MALRD1: variants seen among roughly 807,000 people sequenced by gnomAD.
MALRD1 encodes MAM and LDL receptor class A domain containing 1.
MALRD1 carries 247 observed loss-of-function variants against 242.1 expected under a neutral mutation model. That is an observed-to-expected ratio of 1.02 (90% CI 0.92 to 1.13). The LOEUF (loss-of-function observed/expected upper bound fraction) is 1.13. MALRD1 is among the 50% of genes most tolerant of loss of function. The pLI, the probability that MALRD1 is intolerant of heterozygous loss-of-function variation, is 0.00. For synonymous variants in MALRD1, 995 were observed against 866.6 expected, an observed-to-expected ratio of 1.15 and a Z score of -2.60; for missense variants, 2,989 against 2,533.1, an observed-to-expected ratio of 1.18 and a Z score of -3.86.
intron 31 of MALRD1, among the ~76,000 whole-genome samples, chr10:19,514,619 A>G (rs953049739): frequency 2.6e-5 from 4 of 152,162 alleles, no homozygotes; most frequent in African/African-American, 7.2e-5. Flanking sequence ...GTGATAATTA[A>G]AATATTTAAA....
chr10:19,206,087 A>T (rs1031111563), intron 17 of MALRD1, among the ~76,000 whole-genome samples: 7 of 150,174 alleles, frequency 4.7e-5, no homozygotes, highest in Non-Finnish European at 1.0e-4. Flanking sequence ...TTTATAAATT[A>T]TGCAATTTAT....
At chr10:19,517,309 TG>T (rs1329228313) in intron 31 of MALRD1, among the ~76,000 whole-genome samples, 1 of 152,132 alleles carries the variant, frequency 6.6e-6, no homozygotes, top group Non-Finnish European at 1.5e-5. Context: ...ATTCATCAGA[TG>T]GCTGGTGAAA....
At chr10:19,410,893 T>C (rs1323551854) in intron 28 of MALRD1, among the ~76,000 whole-genome samples, 1 of 152,168 alleles carries the variant, frequency 6.6e-6, no homozygotes, top group Non-Finnish European at 1.5e-5. Flanking sequence ...CTTTTTGACA[T>C]AAATGTTGCC....
intron 28 of MALRD1, among the ~76,000 whole-genome samples, chr10:19,398,731 A>C (rs527881543): frequency 6.6e-6 from 1 of 152,332 alleles, no homozygotes; most frequent in East Asian, 1.9e-4. Context: ...TTATGTGCTC[A>C]ATGTTTACAT....
chr10:19,256,999 A>G lies in MALRD1; in HGVS notation c.2992-685A>G, dbSNP rs565702366. ...ATAATTCATCATGATCAATTCTGTT[A>G]CAGTAAATCTCAACCCTAATCACAA... On this transcript the variant is annotated intron_variant, in intron 18 of 39. Transcript: ENST00000454679. Among the ~76,000 whole-genome samples the G allele has an allele frequency of 3.9e-5, 6 of 152,248 alleles. No individual in the cohort carries two copies. In the South Asian group the frequency reaches 1.2e-3, roughly 32 times the overall value.
chr10:19,604,703 A>G (rs766668133), intron 34 of MALRD1, among the ~76,000 whole-genome samples: 6 of 152,192 alleles, frequency 3.9e-5, no homozygotes, highest in Non-Finnish European at 7.3e-5. Context: ...TTCCACAGCT[A>G]GAGAGGAGAA....
At chr10:19,393,431 T>C (rs1032394137) in intron 28 of MALRD1, among the ~76,000 whole-genome samples, 3 of 147,862 alleles carry the variant, frequency 2.0e-5, no homozygotes, top group African/African-American at 7.5e-5. Flanking sequence ...ACTTGTTTCC[T>C]GATGAGGTTA....
At chr10:19,178,673 C>T (rs1165760606) in intron 14 of MALRD1, among the ~76,000 whole-genome samples, 1 of 152,094 alleles carries the variant, frequency 6.6e-6, no homozygotes, top group Non-Finnish European at 1.5e-5. Flanking sequence ...AATAATTTTG[C>T]ATTCTGTTTA....
chr10:19,173,856 G>A (rs933917314), intron 13 of MALRD1, among the ~76,000 whole-genome samples: 4 of 152,108 alleles, frequency 2.6e-5, no homozygotes, highest in African/African-American at 9.7e-5. Context: ...CAGCATTTAT[G>A]ATGTAGGGTA....
At chr10:19,440,494 C>G (rs370430515) in intron 28 of MALRD1, among the ~76,000 whole-genome samples, 84 of 152,184 alleles carry the variant, frequency 5.5e-4, no homozygotes, top group African/African-American at 1.9e-3. Flanking sequence ...TCCCTCCCCC[C>G]GCAACAACCC....
chr10:19,628,425 T>C (rs1167794306), intron 36 of MALRD1, among the ~76,000 whole-genome samples: 2 of 152,178 alleles, frequency 1.3e-5, no homozygotes, highest in Non-Finnish European at 2.9e-5. Context: ...TGTCATGGAA[T>C]AGTATGTAAC....
chr10:19,674,154 G>A (rs1054648469), intron 36 of MALRD1, among the ~76,000 whole-genome samples: 1 of 152,126 alleles, frequency 6.6e-6, no homozygotes, highest in Admixed American at 6.5e-5. Context: ...TCACCGGAAA[G>A]AGCAAACATG....
At chr10:19,513,711 C>T (rs1833509237) in intron 31 of MALRD1, among the ~76,000 whole-genome samples, 1 of 151,662 alleles carries the variant, frequency 6.6e-6, no homozygotes, top group Non-Finnish European at 1.5e-5. Flanking sequence ...TGTACTCCAA[C>T]CTGGGTGAAA....
At chr10:19,436,789 C>G (rs1834367278) in intron 28 of MALRD1, among the ~76,000 whole-genome samples, 1 of 152,136 alleles carries the variant, frequency 6.6e-6, no homozygotes, top group African/African-American at 2.4e-5. Context: ...AAATGGCTTA[C>G]TTTTAATGGC....
At chr10:19,699,970 G>A (rs1833549479) in intron 38 of MALRD1, among the ~76,000 whole-genome samples, 3 of 150,538 alleles carry the variant, frequency 2.0e-5, no homozygotes, top group Non-Finnish European at 1.5e-5. Context: ...ATATATCATA[G>A]TATATCAAAA....
intron 13 of MALRD1, among the ~76,000 whole-genome samples, chr10:19,171,439 T>C (rs900453192): frequency 2.1e-5 from 2 of 93,992 alleles, no homozygotes; most frequent in Non-Finnish European, 5.3e-5. Flanking sequence ...CATATATATA[T>C]ATATATATAT....
At chr10:19,389,080 A>C in intron 27 of MALRD1, 2 of 352,406 alleles carry the variant, frequency 5.7e-6, no homozygotes, top group South Asian at 2.2e-5. Context: ...CTAAATTTTT[A>C]AAAGCAGACC....
intron 21 of MALRD1, among the ~76,000 whole-genome samples, chr10:19,295,992 A>G (rs1841675973): frequency 6.6e-6 from 1 of 152,042 alleles, no homozygotes; most frequent in African/African-American, 2.4e-5. Flanking sequence ...TTGGCAGCAC[A>G]GTGGAATTAC....
chr10:19,318,759 C>G (rs1358323326), intron 21 of MALRD1, among the ~76,000 whole-genome samples: 1 of 151,632 alleles, frequency 6.6e-6, no homozygotes, highest in Non-Finnish European at 1.5e-5. Context: ...TCTGTCATAC[C>G]CTTATATTTT....
Sources: gnomAD v4.1 joint callset for allele counts (sites outside exome capture counted in the v4.1 genomes callset) on GRCh38, gnomAD v4.1.1 for gene constraint, MANE v1.5 for transcripts, NCBI Gene and HGNC (gene_info 2026-07-23, HGNC 2026-07-21) for gene names.